PYROXD1: variants seen among roughly 807,000 people sequenced by gnomAD.
PYROXD1 encodes the protein pyridine nucleotide-disulphide oxidoreductase domain 1, also known as tRNA ligase complex-associated NAD(P)H dehydrogenase PYROXD1.
Under a neutral mutation model 62.0 loss-of-function variants are expected in PYROXD1, and 42 were observed. The observed-to-expected ratio is 0.68, with a 90% CI of 0.53 to 0.88. PYROXD1 has a LOEUF of 0.88. Ranked by LOEUF, PYROXD1 falls within the 40% of genes least tolerant of loss-of-function variation. The pLI is 0.00. For missense variants in PYROXD1, 493 were observed against 604.8 expected (o/e 0.82, Z 1.94); for synonymous variants, 170 against 206.4 (o/e 0.82, Z 1.51).
chr12:21,467,588 T>G lies in PYROXD1; in HGVS notation c.1224T>G (p.Phe408Leu), dbSNP rs1417783172. The change falls in exon 11 of 12, where the codon TTT becomes TTG. Residue 408 changes from phenylalanine (F) to leucine (L), a missense_variant. Physicochemically the swap from Phe to Leu is conservative, Grantham distance 22. Around this residue, in one of 2 missense-constraint regions of PYROXD1, gnomAD observed 329 missense variants for 446.6 expected, o/e 0.74. Transcript: ENST00000240651. ...SIDMDFSFELFAHVTKFFNYK... is the reference protein window; with the variant it reads ...SIDMDFSFELLAHVTKFFNYK... Reference sequence around the variant, plus strand: ...ACATGGATTTCAGCTTTGAACTGTTTGCTCATGTGACAAAATTTTTTAACT... The same window carrying G: ...ACATGGATTTCAGCTTTGAACTGTTGGCTCATGTGACAAAATTTTTTAACT... The G allele has an allele frequency of 1.2e-6, 2 of 1,611,754 alleles. No homozygotes were observed. The highest frequency in any genetic ancestry group is 1.7e-5 in the Admixed American group (1 of 59,702).
intron 4 of PYROXD1, 130 bp downstream of exon 4, chr12:21,449,821 A>T (rs1942458815): frequency 1.5e-6 from 1 of 671,012 alleles, no homozygotes; most frequent in Admixed American, 3.1e-5. Context: ...CCAGTAAACC[A>T]CAGAGTGGTT....
At chr12:21,453,719 G>A (rs1942544917) in intron 5 of PYROXD1, among the ~76,000 whole-genome samples, 1 of 152,032 alleles carries the variant, frequency 6.6e-6, no homozygotes, top group African/African-American at 2.4e-5. Context: ...TGTCCTAGGA[G>A]GTAGAGCAAG....
chr12:21,457,882 A>G (rs755669588), intron 7 of PYROXD1, among the ~76,000 whole-genome samples: 30 of 152,190 alleles, frequency 2.0e-4, no homozygotes, highest in Non-Finnish European at 4.1e-4. Context: ...TTGGGTGGAG[A>G]ACCAGGCCCA....
At chr12:21,462,274 G>C (rs539285203) in intron 9 of PYROXD1, 154 bp downstream of exon 9, 2 of 582,550 alleles carry the variant, frequency 3.4e-6, no homozygotes, top group African/African-American at 1.9e-5. Context: ...TTGATTTACA[G>C]TATTTTTTAC....
chr12:21,461,932 T>C, intron 8 of PYROXD1, 76 bp from the exon 9 acceptor site: 2 of 749,930 alleles, frequency 2.7e-6, no homozygotes, highest in Non-Finnish European at 4.5e-6. Context: ...TTCTAGTCAT[T>C]GTAGTCACAT....
Position 21,449,666 on chromosome 12 carries a change from G to A in PYROXD1, c.389G>A (p.Gly130Glu), listed in dbSNP as rs1244088239. 3.7e-6 allele frequency: 6 copies of A among 1,613,086 alleles called. No individual in the cohort carries two copies. The highest frequency in any genetic ancestry group is 5.1e-6 in the Non-Finnish European group (6 of 1,179,454). Residue 130 changes from glycine to glutamate, a missense_variant, in exon 4 of 12, where the codon GGA (glycine) becomes GAA (glutamate). Coordinates refer to ENST00000240651, the MANE Select transcript of PYROXD1 (RefSeq NM_024854.5). ...LICEGNPYVLGIRDTDSAQEF... is the reference protein window; with the variant it reads ...LICEGNPYVLEIRDTDSAQEF... ...TGTGAAGGAAATCCTTATGTATTAG[G>A]AATCCGTGATACAGACAGTGCTCAG...
intron 7 of PYROXD1, 80 bp downstream of exon 7, chr12:21,456,175 T>TGTAATTTTAAATTCTTGAACC: frequency 2.2e-6 from 2 of 897,540 alleles, no homozygotes; most frequent in Non-Finnish European, 3.5e-6. Flanking sequence ...TGGTAATAAA[T>TGTAATTTTAAATTCTTGAACC]ATATAGTCAA....
intron 1 of PYROXD1, chr12:21,438,632 G>A (rs1942238799): frequency 6.6e-6 from 1 of 152,132 alleles, no homozygotes; most frequent in South Asian, 2.1e-4. Context: ...AATGCATGTA[G>A]GGCTTGCTTT....
chr12:21,455,602 T>C (rs1161022127), intron 6 of PYROXD1, among the ~76,000 whole-genome samples: 2 of 151,438 alleles, frequency 1.3e-5, no homozygotes, highest in Non-Finnish European at 2.9e-5. Flanking sequence ...GAAAAACTAA[T>C]ACAAACTTCA....
At chr12:21,452,584 C>A (rs4762831) in intron 5 of PYROXD1, among the ~76,000 whole-genome samples, 75,056 of 151,892 alleles carry the variant, frequency 0.49, 18,596 homozygotes, top group Middle Eastern at 0.59. Flanking sequence ...TGGCCAGTGT[C>A]ACCCAAAATG....
At chr12:21,439,029 G>A (rs1400366839) in intron 1 of PYROXD1, among the ~76,000 whole-genome samples, 1 of 152,158 alleles carries the variant, frequency 6.6e-6, no homozygotes, top group Admixed American at 6.5e-5. Flanking sequence ...TTTAATCAAA[G>A]AAGGTATTTT....
At chr12:21,465,976 T>A (rs992920839) in intron 10 of PYROXD1, among the ~76,000 whole-genome samples, 1 of 152,214 alleles carries the variant, frequency 6.6e-6, no homozygotes, top group African/African-American at 2.4e-5. Context: ...CAGATAGTTG[T>A]AGATATGAGG....
intron 10 of PYROXD1, among the ~76,000 whole-genome samples, chr12:21,464,134 T>TA (rs201918898): frequency 0.076 from 8,272 of 109,438 alleles, 295 homozygotes; most frequent in African/African-American, 0.14. Context: ...TTGGAGTTTA[T>TA]GGGTTTTTTT....
chr12:21,437,978 C>T (rs775025560), intron 1 of PYROXD1, 164 bp downstream of exon 1: 11 of 643,232 alleles, frequency 1.7e-5, no homozygotes, highest in Non-Finnish European at 2.7e-5. Flanking sequence ...CTTGGTGGTC[C>T]TCAGATGACC....
At position 21,455,221 on chromosome 12, in the gene PYROXD1, T is replaced by C. The variant is rs1942573575; in HGVS notation, c.578T>C (p.Leu193Ser). The C allele has an allele frequency of 1.3e-6, 2 of 1,582,660 alleles. No homozygotes were observed. The highest frequency in any genetic ancestry group is 1.7e-6 in the Non-Finnish European group (2 of 1,164,592). ...TFFDAGAAEF[L>S]TSKLIAEKSE... ...TTCGATGCAGGAGCAGCTGAATTCTTGACTTCAAAGCTCATTGCTGAAAAA... is the reference window on the plus strand; with the variant it reads ...TTCGATGCAGGAGCAGCTGAATTCTCGACTTCAAAGCTCATTGCTGAAAAA... The change falls in exon 6 of 12, where the codon TTG (leucine) becomes TCG (serine). Residue 193 changes from leucine (L) to serine (S), a missense_variant. This residue lies in a region of PYROXD1 where 329 missense variants were observed against 446.6 expected (regional missense o/e 0.74). Coordinates refer to ENST00000240651, the MANE Select transcript of PYROXD1 (RefSeq NM_024854.5).
intron 4 of PYROXD1, 50 bp downstream of exon 4, chr12:21,449,741 C>T: frequency 1.3e-6 from 2 of 1,514,866 alleles, no homozygotes; most frequent in South Asian, 2.5e-5. Context: ...GAATTTTCTA[C>T]ATTTGAATTA....
At position 21,470,100 on chromosome 12, in the gene PYROXD1, A is replaced by G. The variant is rs1158776234; in HGVS notation, c.*1346A>G. On this transcript the variant is annotated 3_prime_UTR_variant, in exon 12 of 12. Coordinates refer to ENST00000240651, the MANE Select transcript of PYROXD1 (RefSeq NM_024854.5). ...ATAGATCCATACATATAAAATATCT[A>G]TGAAATTCTTTTAAAAACTATTGTC... 4.1e-6 allele frequency: 5 copies of G among 1,220,348 alleles called. No individual in the cohort carries two copies. The highest frequency in any genetic ancestry group is 1.5e-5 in the African/African-American group (1 of 65,044). The allele number at this position is 1,220,348 out of a possible 1,614,324, so 75.6% of individuals were successfully genotyped here.
At chr12:21,463,531 A>C (rs1180916148) in intron 10 of PYROXD1, among the ~76,000 whole-genome samples, 1 of 152,042 alleles carries the variant, frequency 6.6e-6, no homozygotes, top group African/African-American at 2.4e-5. Context: ...TCTTTACTAA[A>C]AATACAAAAA....
At chr12:21,451,552 C>T (rs918682096) in intron 4 of PYROXD1, among the ~76,000 whole-genome samples, 2 of 151,930 alleles carry the variant, frequency 1.3e-5, no homozygotes, top group Non-Finnish European at 2.9e-5. Flanking sequence ...ATATATAGTC[C>T]CTTATTTCCA....
Sources: allele counts gnomAD v4.1 joint callset (sites outside exome capture counted in the v4.1 genomes callset), GRCh38; gene constraint gnomAD v4.1.1; regional missense constraint gnomAD v4.1.1; transcripts MANE v1.5; gene names NCBI Gene and HGNC (gene_info 2026-07-23, HGNC 2026-07-21).